The following DCN variants were observed in gnomAD, a reference collection of about 807,000 sequenced individuals.
The protein encoded by DCN is decorin.
A neutral mutation model predicts 36.5 loss-of-function variants in DCN; 17 were observed. That is an observed-to-expected ratio of 0.47 (90% CI 0.32 to 0.70). The LOEUF is 0.70. Ranked by LOEUF, DCN falls within the 30% of genes least tolerant of loss-of-function variation. The pLI, the probability that DCN is intolerant of heterozygous loss-of-function variation, is 0.04. For synonymous variants in DCN, 163 were observed against 161.4 expected, an observed-to-expected ratio of 1.01 and a Z score of -0.07; for missense variants, 389 against 430.1, an observed-to-expected ratio of 0.90 and a Z score of 0.84.
intron 3 of DCN, among the ~76,000 whole-genome samples, chr12:91,162,390 G>T (rs1328283107): frequency 2.0e-5 from 3 of 151,898 alleles, no homozygotes; most frequent in Non-Finnish European, 4.4e-5. Flanking sequence ...TAACTAAATG[G>T]TATCTTCATT....
intron 2 of DCN, chr12:91,176,607 A>C (rs571264685): frequency 3.9e-5 from 6 of 152,268 alleles, no homozygotes. Context: ...GTCAAGGTTT[A>C]TGAGCTATTT....
At chr12:91,159,375 T>G (rs1882014488) in intron 3 of DCN, among the ~76,000 whole-genome samples, 1 of 152,188 alleles carries the variant, frequency 6.6e-6, no homozygotes, top group Non-Finnish European at 1.5e-5. Context: ...TTGTAGCTCA[T>G]TGCTTTTCTT....
intron 4 of DCN, among the ~76,000 whole-genome samples, chr12:91,157,995 T>G (rs1881908346): frequency 1.3e-5 from 2 of 152,182 alleles, no homozygotes; most frequent in Non-Finnish European, 2.9e-5. Context: ...AACGGAAAGG[T>G]ATCTCAAAAT....
At chr12:91,169,390 A>C (rs1234947059) in intron 2 of DCN, among the ~76,000 whole-genome samples, 2 of 151,390 alleles carry the variant, frequency 1.3e-5, no homozygotes, top group African/African-American at 2.4e-5. Flanking sequence ...AAAAAAAAAA[A>C]AAAAAAAAAA....
Position 91,141,798 on chromosome 12 carries a change from G to A in DCN, c.*4260C>T, listed in dbSNP as rs1880762123. 2.6e-5 allele frequency: 4 copies of A among 152,010 alleles called. No homozygotes were observed. The South Asian group carries it at 8.3e-4, about 32-fold the overall frequency. The allele number at this position is 152,010 out of a possible 1,614,324, so 9.4% of individuals were successfully genotyped here. A position where few individuals can be genotyped will look rare whatever the true frequency, so the allele number is the denominator to read the frequency against. ...CAGTCACTGCAGAATGTGTGGCCTG[G>A]GAAGAGTCTCCTGATCTCCAATGCC... is the stretch of plus-strand genomic sequence containing the variant. On this transcript the variant is annotated 3_prime_UTR_variant, in exon 8 of 8. Transcript: ENST00000052754.
intron 2 of DCN, chr12:91,172,128 A>G (rs2121294375): frequency 6.6e-6 from 1 of 151,384 alleles, no homozygotes; most frequent in Admixed American, 6.6e-5. Context: ...TTCTGAATAA[A>G]GACTAGTAAG....
At chr12:91,170,419 T>C (rs942419913) in intron 2 of DCN, among the ~76,000 whole-genome samples, 3 of 152,206 alleles carry the variant, frequency 2.0e-5, no homozygotes, top group African/African-American at 7.2e-5. Flanking sequence ...GAAATGTTTT[T>C]GTCTTGACAG....
chr12:91,164,979 A>G (rs1882457969), intron 2 of DCN, among the ~76,000 whole-genome samples: 1 of 152,198 alleles, frequency 6.6e-6, no homozygotes, highest in South Asian at 2.1e-4. Flanking sequence ...CATTAGGGGA[A>G]CATTTGTGTT....
At chr12:91,153,636 G>A (rs189592472) in intron 5 of DCN, among the ~76,000 whole-genome samples, 2 of 152,150 alleles carry the variant, frequency 1.3e-5, no homozygotes, top group African/African-American at 4.8e-5. Flanking sequence ...TCATTAATGA[G>A]CATCATTAAA....
intron 2 of DCN, among the ~76,000 whole-genome samples, chr12:91,167,366 T>C (rs903361176): frequency 6.6e-6 from 1 of 152,084 alleles, no homozygotes; most frequent in South Asian, 2.1e-4. Context: ...AGGTAGACTC[T>C]ATGATGAGGT....
At chr12:91,175,990 C>T (rs1883266702) in intron 2 of DCN, 1 of 152,056 alleles carries the variant, frequency 6.6e-6, no homozygotes, top group African/African-American at 2.4e-5. Flanking sequence ...ATTTCTAAGA[C>T]TGTGATTTTT....
intron 1 of DCN, chr12:91,179,509 T>C (rs940874152): frequency 2.6e-5 from 4 of 152,230 alleles, no homozygotes; most frequent in African/African-American, 9.6e-5. Flanking sequence ...TCACATTATA[T>C]TGCAATTTGT....
At chr12:91,163,378 T>G (rs912930660) in intron 3 of DCN, among the ~76,000 whole-genome samples, 1 of 152,184 alleles carries the variant, frequency 6.6e-6, no homozygotes, top group Non-Finnish European at 1.5e-5. Context: ...AATGCATTAA[T>G]CAAATGCCCT....
intron 2 of DCN, among the ~76,000 whole-genome samples, chr12:91,166,912 AT>A (rs1037484419): frequency 2.6e-5 from 4 of 152,108 alleles, no homozygotes; most frequent in East Asian, 1.9e-4. Context: ...GATTTCACAT[AT>A]TTTTTATTAA....
chr12:91,164,462 T>A (rs557171316), intron 3 of DCN, 143 bp downstream of exon 3: 187 of 317,460 alleles, frequency 5.9e-4, no homozygotes, highest in Middle Eastern at 1.7e-3. Flanking sequence ...AAAAAAAAAG[T>A]AAAAAAAAAA....
Position 91,172,678 on chromosome 12 carries a change from T to C in DCN, c.211+5664A>G. 6.0e-6 allele frequency: 4 copies of C among 670,750 alleles called. No homozygotes were observed. The South Asian group carries it at 6.2e-5, about 10-fold the overall frequency. The allele number at this position is 670,750 out of a possible 1,614,324, so 41.5% of individuals were successfully genotyped here. ...TTGTTTCTCAATCAGGCATGTTCCC[T>C]TCTCTTTGCAGCTTGCTAGAGTCAA... On this transcript the variant is annotated intron_variant, in intron 2 of 7. Transcript: ENST00000052754.
At chr12:91,182,373 A>G (rs1868437739) in intron 1 of DCN, among the ~76,000 whole-genome samples, 1 of 152,086 alleles carries the variant, frequency 6.6e-6, no homozygotes, top group Admixed American at 6.6e-5. Flanking sequence ...CAAACACAAA[A>G]ACATTAATAT....
intron 7 of DCN, among the ~76,000 whole-genome samples, chr12:91,147,372 CTG>C (rs1280328847): frequency 3.3e-5 from 5 of 152,194 alleles, no homozygotes; most frequent in Non-Finnish European, 7.3e-5. Flanking sequence ...CTGCCATTCT[CTG>C]GGGCAGAATT....
rs532412650 is a variant in DCN, at chr12:91,143,276, G to A, written c.*2782C>T. The A allele has an allele frequency of 6.6e-6, 1 of 152,214 alleles. No individual in the cohort carries two copies. The allele number at this position is 152,214 out of a possible 1,614,324, so 9.4% of individuals were successfully genotyped here. The stretch of plus-strand genomic sequence containing the variant: ...CAGAATTGTGAGAAAGTAAGTTTCT[G>A]TTGTTTTAAGCCACCCAGTTTTTGG... On this transcript the variant is annotated 3_prime_UTR_variant, in exon 8 of 8. Coordinates refer to ENST00000052754, the MANE Select transcript of DCN (RefSeq NM_001920.5).
Sources: gnomAD v4.1 joint callset for allele counts (sites outside exome capture counted in the v4.1 genomes callset) on GRCh38, gnomAD v4.1.1 for gene constraint, MANE v1.5 for transcripts, NCBI Gene and HGNC (gene_info 2026-07-23, HGNC 2026-07-21) for gene names.